FGF14: variants seen among roughly 807,000 people sequenced by gnomAD.
FGF14 encodes fibroblast growth factor 14, also known as fibroblast growth factor homologous factor 4.
A neutral mutation model predicts 25.5 loss-of-function variants in FGF14; 5 were observed. That is an observed-to-expected ratio of 0.20 (90% CI 0.10 to 0.41). FGF14 has a LOEUF of 0.41. Among genes scored for constraint, FGF14 ranks in the 10% least tolerant of loss-of-function variants. The pLI is 1.00. For synonymous variants in FGF14, 138 were observed against 118.3 expected, an observed-to-expected ratio of 1.17 and a Z score of -1.08; for missense variants, 222 against 320.1, an observed-to-expected ratio of 0.69 and a Z score of 2.34.
intron 1 of FGF14, among the ~76,000 whole-genome samples, chr13:101,906,141 C>A (rs2032213521): frequency 6.6e-6 from 1 of 152,114 alleles, no homozygotes; most frequent in Admixed American, 6.6e-5. Context: ...TCAGATCCCA[C>A]CCCAGAGAGA....
chr13:101,788,965 G>GAT (rs1566904055), intron 3 of FGF14, among the ~76,000 whole-genome samples: 5 of 80,616 alleles, frequency 6.2e-5, no homozygotes, highest in South Asian at 5.2e-4. Context: ...GAGAGAGAGA[G>GAT]AGAGACAGAG....
chr13:102,087,463 G>A (rs1036972601), intron 1 of FGF14, among the ~76,000 whole-genome samples: 4 of 142,134 alleles, frequency 2.8e-5, no homozygotes, highest in Admixed American at 2.2e-4. Context: ...CCAGGCTGGA[G>A]TGTAGTGGCG....
chr13:102,312,606 A>T (rs1230522532), intron 1 of FGF14, among the ~76,000 whole-genome samples: 1 of 152,224 alleles, frequency 6.6e-6, no homozygotes, highest in African/African-American at 2.4e-5. Context: ...TATTAATCCT[A>T]GTGCTGTTAG....
At chr13:101,801,507 A>G (rs1480331931) in intron 3 of FGF14, among the ~76,000 whole-genome samples, 2 of 152,154 alleles carry the variant, frequency 1.3e-5, no homozygotes, top group Non-Finnish European at 2.9e-5. Context: ...CTTTATTTAC[A>G]GAAATAGGTG....
chr13:101,775,951 T>C (rs906257394), intron 3 of FGF14, among the ~76,000 whole-genome samples: 5 of 152,180 alleles, frequency 3.3e-5, no homozygotes, highest in African/African-American at 9.7e-5. Context: ...ATACATTGCA[T>C]GGCAATGTTT....
chr13:102,023,630 T>A lies in FGF14; in HGVS notation c.209-148334A>T, dbSNP rs1244212758. Among the ~76,000 whole-genome samples the A allele has an allele frequency of 2.0e-5, 3 of 152,074 alleles. No homozygotes were observed. In the East Asian group the frequency reaches 5.8e-4, roughly 29 times the overall value. On this transcript the variant is annotated intron_variant, in intron 1 of 4. Transcript: ENST00000376131. ...CCTTTCCCCAGCCCCTGACAACAAC[T>A]AATCTATGTTCTTTCTCTATGAATT...
chr13:102,098,174 A>G (rs1315640254), intron 1 of FGF14, among the ~76,000 whole-genome samples: 1 of 152,170 alleles, frequency 6.6e-6, no homozygotes, highest in African/African-American at 2.4e-5. Context: ...TCTGCATATC[A>G]CCATCAGCAA....
At chr13:102,100,318 A>G (rs1028302690) in intron 1 of FGF14, among the ~76,000 whole-genome samples, 3 of 152,166 alleles carry the variant, frequency 2.0e-5, no homozygotes, top group African/African-American at 7.2e-5. Flanking sequence ...AACCCTCCCT[A>G]CAAGAGCATA....
At chr13:101,939,013 G>T (rs1446465805) in intron 1 of FGF14, among the ~76,000 whole-genome samples, 2 of 152,168 alleles carry the variant, frequency 1.3e-5, no homozygotes, top group Non-Finnish European at 2.9e-5. Context: ...TGTACATCAT[G>T]CAGCACATCC....
intron 1 of FGF14, among the ~76,000 whole-genome samples, chr13:102,112,882 G>T (rs1427311185): frequency 6.6e-6 from 1 of 152,138 alleles, no homozygotes; most frequent in Non-Finnish European, 1.5e-5. Context: ...TCTCAAGACT[G>T]AAGTCTTCCA....
chr13:102,161,571 A>G (rs375226543), intron 1 of FGF14, among the ~76,000 whole-genome samples: 5 of 3,494 alleles, frequency 1.4e-3, no homozygotes, highest in Non-Finnish European at 7.1e-3. Context: ...TCTGTGAAGA[A>G]AGAAAGAAGA....
intron 1 of FGF14, among the ~76,000 whole-genome samples, chr13:101,881,837 C>T (rs2045727404): frequency 6.6e-6 from 1 of 152,166 alleles, no homozygotes; most frequent in Non-Finnish European, 1.5e-5. Context: ...CTTCAGACTC[C>T]TTGTTAATAT....
chr13:102,362,878 A>G (rs2057606954), intron 1 of FGF14, among the ~76,000 whole-genome samples: 1 of 152,208 alleles, frequency 6.6e-6, no homozygotes, highest in Non-Finnish European at 1.5e-5. Flanking sequence ...AATAATAACT[A>G]TCTTTATCTA....
At chr13:101,728,586 T>C (rs1224668448) in intron 3 of FGF14, among the ~76,000 whole-genome samples, 4 of 152,306 alleles carry the variant, frequency 2.6e-5, no homozygotes, top group Non-Finnish European at 5.9e-5. Context: ...CCCAAGAGAC[T>C]AATAAATATA....
At chr13:102,180,948 A>T (rs1317859814) in intron 1 of FGF14, among the ~76,000 whole-genome samples, 1 of 152,110 alleles carries the variant, frequency 6.6e-6, no homozygotes, top group Non-Finnish European at 1.5e-5. Flanking sequence ...AATATATTTT[A>T]AAAATCATGT....
At chr13:101,841,637 T>C (rs943211039) in intron 3 of FGF14, among the ~76,000 whole-genome samples, 5 of 152,012 alleles carry the variant, frequency 3.3e-5, no homozygotes, top group African/African-American at 9.7e-5. Context: ...CCAGCATTGA[T>C]TGAACATCGG....
At chr13:101,985,076 T>G (rs1348827017) in intron 1 of FGF14, among the ~76,000 whole-genome samples, 3 of 112,048 alleles carry the variant, frequency 2.7e-5, no homozygotes, top group African/African-American at 1.5e-4. Context: ...AGGGTTTTTT[T>G]TTTGTTTTTT....
intron 3 of FGF14, among the ~76,000 whole-genome samples, chr13:101,858,142 C>T (rs2044221983): frequency 6.6e-6 from 1 of 151,288 alleles, no homozygotes; most frequent in South Asian, 2.1e-4. Flanking sequence ...TACCCCATAT[C>T]TGTTCAGAGC....
chr13:101,721,385 A>AAAAG lies in FGF14; in HGVS notation c.*1442_*1445dup, dbSNP rs986662467. The AAAAG allele has an allele frequency of 2.7e-5, 4 of 146,082 alleles. No individual in the cohort carries two copies. Among genetic ancestry groups the AAAAG allele is most frequent in the African/African-American group, 1.1e-4 (4 of 35,744 alleles). The allele number at this position is 146,082 out of a possible 1,614,324, so 9.0% of individuals were successfully genotyped here. Reference sequence around the variant, plus strand: ...AAAAAGGAAATTAAGAATGCAAAATAAAAGAAAATAAATGGAATGGACCAA... The same window carrying AAAAG: ...AAAAAGGAAATTAAGAATGCAAAATAAAAGAAAGAAAATAAATGGAATGGACCAA... On this transcript the variant is annotated 3_prime_UTR_variant, in exon 5 of 5. Coordinates refer to ENST00000376143, the MANE Select transcript of FGF14 (RefSeq NM_004115.4).
Sources: gnomAD v4.1 joint callset for allele counts (sites outside exome capture counted in the v4.1 genomes callset) on GRCh38, gnomAD v4.1.1 for gene constraint, MANE v1.5 for transcripts, NCBI Gene and HGNC (gene_info 2026-07-23, HGNC 2026-07-21) for gene names.